Variants in VAV2 observed in about 807,000 individuals in gnomAD.
VAV2 encodes vav guanine nucleotide exchange factor 2, also known as guanine nucleotide exchange factor VAV2.
A neutral mutation model predicts 132.5 loss-of-function variants in VAV2; 67 were observed. That is an observed-to-expected ratio of 0.51 (90% CI 0.42 to 0.62). VAV2 has a LOEUF of 0.62. Ranked by LOEUF, VAV2 falls within the 20% of genes least tolerant of loss-of-function variation. The pLI is 0.00. For synonymous variants in VAV2, 492 were observed against 443.5 expected (o/e 1.11, Z -1.37); for missense variants, 938 against 1,153.6 (o/e 0.81, Z 2.71).
Position 133,768,826 on chromosome 9 carries a change from G to C in VAV2, c.2435-230C>G, listed in dbSNP as rs924774578. Among the ~76,000 whole-genome samples, 6 of 152,158 alleles carry C rather than the reference G, an allele frequency of 3.9e-5. No homozygotes were observed. The highest frequency in any genetic ancestry group is 7.4e-5 in the Non-Finnish European group (5 of 68,022). On this transcript the variant is annotated intron_variant, in intron 28 of 29. Coordinates refer to ENST00000371850, the MANE Select transcript of VAV2 (RefSeq NM_001134398.2). This position sits in a 1 kb window ranked among gnomAD's most constrained non-coding sequence, Gnocchi z 5.3. ...CAGCACATCCAAGTCCCTGCAATGA[G>C]GATGTTCTTAGGGACAAGAGCAGGT... is the stretch of plus-strand genomic sequence containing the variant.
chr9:133,790,130 G>A (rs1588176901), intron 13 of VAV2, among the ~76,000 whole-genome samples: 2 of 152,180 alleles, frequency 1.3e-5, no homozygotes, highest in Admixed American at 6.5e-5. Context: ...CTGGGTACAG[G>A]GCCTGGCTCA....
chr9:133,822,143 T>C (rs55731099), intron 4 of VAV2, among the ~76,000 whole-genome samples: 23,223 of 146,496 alleles, frequency 0.16, 2,227 homozygotes, highest in Non-Finnish European at 0.23. Flanking sequence ...CAGAGGCCAT[T>C]GCCCCCGCCG....
rs1165193242 is a variant in VAV2 at position 133,789,360 on chromosome 9, G to C, written c.1189-17C>G. On this transcript the variant is annotated splice_polypyrimidine_tract_variant and intron_variant, in intron 13 of 29. Transcript: ENST00000371850. ...TTTCACTTGCTGGGAAGAAGGAGAG[G>C]GGCCGTCAGCCGGGGCTGGAGCAGC... The C allele has an allele frequency of 1.9e-5, 30 of 1,613,548 alleles. No homozygotes were observed. Among genetic ancestry groups the C allele is most frequent in the Non-Finnish European group, 2.5e-5 (29 of 1,179,712 alleles).
chr9:133,871,265 T>G, intron 2 of VAV2, among the ~76,000 whole-genome samples: 1 of 147,822 alleles, frequency 6.8e-6, no homozygotes, highest in African/African-American at 2.5e-5. Context: ...GACAGATGGA[T>G]AGATAAGTGA....
In VAV2 at chr9:133,940,672, CGTGT is replaced by C. The variant is rs60265901; in HGVS notation, c.205-1457_205-1454del. On this transcript the variant is annotated intron_variant, in intron 1 of 29. Coordinates refer to ENST00000371850, the MANE Select transcript of VAV2 (RefSeq NM_001134398.2). Reference sequence around the variant, plus strand: ...CCTAGAGTCCCTCTCTGTCCACGTGCGTGTGTGTGTGTGTGTGTGTGTGTGTGTG... The same window carrying C: ...CCTAGAGTCCCTCTCTGTCCACGTGCGTGTGTGTGTGTGTGTGTGTGTGTG... Among the ~76,000 whole-genome samples the C allele has an allele frequency of 8.2e-3, 1,138 of 139,338 alleles. 10 individuals carry two copies. The highest frequency in any genetic ancestry group is 0.021 in the African/African-American group (807 of 39,276). The allele number at this position is 139,338 out of a possible 152,430, so 91.4% of individuals were successfully genotyped here.
chr9:133,876,625 A>AAACCCT (rs1838277090), intron 2 of VAV2, among the ~76,000 whole-genome samples: 1 of 152,210 alleles, frequency 6.6e-6, no homozygotes, highest in Non-Finnish European at 1.5e-5. Context: ...TGTTTGAGAG[A>AAACCCT]TGCTTCAGGC....
At chr9:133,865,839 T>C (rs989948962) in intron 2 of VAV2, among the ~76,000 whole-genome samples, 1 of 152,234 alleles carries the variant, frequency 6.6e-6, no homozygotes, top group African/African-American at 2.4e-5. Flanking sequence ...TTGTTTTCCA[T>C]GGGTGGAGGG....
rs1162356593 is a variant in VAV2 at position 133,818,351 on chromosome 9, G to C, written c.450-6135C>G. Reference sequence around the variant, plus strand: ...ACTGCACTCCAGCCTGGGTGACAAAGCAAGACTCCATCTCAAAAAAAAAAA... The same window carrying C: ...ACTGCACTCCAGCCTGGGTGACAAACCAAGACTCCATCTCAAAAAAAAAAA... On this transcript the variant is annotated intron_variant, in intron 4 of 29. Coordinates refer to ENST00000371850, the MANE Select transcript of VAV2 (RefSeq NM_001134398.2). Among the ~76,000 whole-genome samples, 5 of 137,522 alleles carry C rather than the reference G, an allele frequency of 3.6e-5. No homozygotes were observed. The East Asian group carries it at 8.3e-4, about 23-fold the overall frequency. 90.2% of individuals were successfully genotyped at this position (137,522 alleles called of 152,430 possible).
At chr9:133,810,434 GCTT>G (rs945791136) in intron 5 of VAV2, among the ~76,000 whole-genome samples, 3 of 152,220 alleles carry the variant, frequency 2.0e-5, no homozygotes, top group African/African-American at 7.2e-5. Context: ...CCATCCTCTG[GCTT>G]CTTCTTCCTT....
rs1420889168 is a variant in VAV2 at position 133,823,433 on chromosome 9, G to A, written c.449+10839C>T. Among the ~76,000 whole-genome samples, 3 of 152,186 alleles carry A rather than the reference G, an allele frequency of 2.0e-5. No homozygotes were observed. The highest frequency in any genetic ancestry group is 4.8e-5 in the African/African-American group (2 of 41,438). On this transcript the variant is annotated intron_variant, in intron 4 of 29. Transcript: ENST00000371850. This position sits in a 1 kb window ranked among gnomAD's most constrained non-coding sequence, Gnocchi z 5.5. ...AATCGATATAGGAGATACTACGTAC[G>A]TGATGGGACTTCTACAATAAAACCC...
At chr9:133,980,102 C>T (rs561494967) in intron 1 of VAV2, among the ~76,000 whole-genome samples, 1 of 152,218 alleles carries the variant, frequency 6.6e-6, no homozygotes, top group African/African-American at 2.4e-5. Flanking sequence ...GGACCGGAAG[C>T]CATGTGGCCA....
chr9:133,956,267 T>C (rs1841776399), intron 1 of VAV2, among the ~76,000 whole-genome samples: 1 of 152,114 alleles, frequency 6.6e-6, no homozygotes, highest in South Asian at 2.1e-4. Context: ...AGAGGTGCCA[T>C]GATCCCCTCG....
intron 2 of VAV2, among the ~76,000 whole-genome samples, chr9:133,876,959 G>A (rs934890534): frequency 7.9e-5 from 12 of 152,164 alleles, no homozygotes; most frequent in African/African-American, 2.7e-4. Flanking sequence ...AGAGGGGAAG[G>A]CAGGGGATGC....
chr9:133,868,551 C>T (rs533017013), intron 2 of VAV2, among the ~76,000 whole-genome samples: 2 of 152,326 alleles, frequency 1.3e-5, no homozygotes, highest in Admixed American at 6.5e-5. Flanking sequence ...GGACTGTGCC[C>T]GATCAGAAGG....
intron 2 of VAV2, among the ~76,000 whole-genome samples, chr9:133,877,996 C>G (rs1391830314): frequency 1.3e-5 from 2 of 152,206 alleles, no homozygotes; most frequent in Non-Finnish European, 2.9e-5. Flanking sequence ...CCTGGAAGGG[C>G]CTGGGAAAGC....
intron 3 of VAV2, among the ~76,000 whole-genome samples, chr9:133,849,155 G>C (rs1837070082): frequency 6.6e-6 from 1 of 152,034 alleles, no homozygotes; most frequent in Non-Finnish European, 1.5e-5. Context: ...GTTGGAAAGG[G>C]CTTCACCTCA....
At chr9:133,866,768 T>C (rs1837817441) in intron 2 of VAV2, among the ~76,000 whole-genome samples, 1 of 144,442 alleles carries the variant, frequency 6.9e-6, no homozygotes, top group Admixed American at 7.2e-5. Context: ...ATTGCACCAC[T>C]GCACTCCAAC....
rs777382439 is a variant in VAV2, at chr9:133,770,335, C to T, written c.2347+43G>A. On this transcript the variant is annotated intron_variant, in intron 27 of 29. Coordinates refer to ENST00000371850, the MANE Select transcript of VAV2 (RefSeq NM_001134398.2). The stretch of plus-strand genomic sequence containing the variant: ...CCCTGGGAAGTGGGCCAGGGCAGAC[C>T]CCTCCGAGGAGTGCTGGTGTGCCGG... The T allele has an allele frequency of 4.3e-6, 7 of 1,611,634 alleles. No homozygotes were observed. In the Admixed American group the frequency reaches 1.0e-4, roughly 23 times the overall value.
chr9:133,880,147 C>T (rs1045683797), intron 2 of VAV2, among the ~76,000 whole-genome samples: 29 of 152,136 alleles, frequency 1.9e-4, no homozygotes, highest in Admixed American at 1.9e-3. Flanking sequence ...GGAAGAGGGG[C>T]TAGGCATCCC....
Sources: gnomAD v4.1 joint callset for allele counts (sites outside exome capture counted in the v4.1 genomes callset) on GRCh38, gnomAD v4.1.1 for gene constraint, Gnocchi (gnomAD v3.1) non-coding constraint, MANE v1.5 for transcripts, NCBI Gene and HGNC (gene_info 2026-07-23, HGNC 2026-07-21) for gene names.